The following ARHGEF18 variants were observed in gnomAD, a reference collection of about 807,000 sequenced individuals.
The protein encoded by ARHGEF18 is Rho/Rac guanine nucleotide exchange factor 18, also known as rho guanine nucleotide exchange factor 18.
Under a neutral mutation model 155.7 loss-of-function variants are expected in ARHGEF18, and 93 were observed. The ratio of observed to expected loss-of-function variants is 0.60; its 90% CI spans 0.50 to 0.71. The LOEUF (loss-of-function observed/expected upper bound fraction) is 0.71, where lower values mean the gene tolerates loss of function less well. ARHGEF18 is among the 30% of genes least tolerant of loss of function. ARHGEF18 has a pLI of 0.00. For synonymous variants in ARHGEF18, 742 were observed against 753.1 expected (o/e 0.99, Z 0.24); for missense variants, 1,593 against 1,816.1 (o/e 0.88, Z 2.23).
intron 10 of ARHGEF18, among the ~76,000 whole-genome samples, chr19:7,384,029 T>G (rs1183728559): frequency 2.0e-5 from 3 of 152,072 alleles, no homozygotes; most frequent in South Asian, 2.1e-4. Flanking sequence ...AGCTCCACGT[T>G]GGAGGGAATG....
chr19:7,468,759 C>G, intron 26 of ARHGEF18, 66 bp from the exon 27 acceptor site: 1 of 1,459,102 alleles, frequency 6.9e-7, no homozygotes. Context: ...GCACGACCCT[C>G]GGGGGCTCTC....
At chr19:7,370,452 CA>C (rs1970152381) in intron 2 of ARHGEF18, among the ~76,000 whole-genome samples, 3 of 149,986 alleles carry the variant, frequency 2.0e-5, no homozygotes, top group Admixed American at 2.0e-4. Context: ...GCTGAGATTG[CA>C]CCACTGCACT....
At chr19:7,472,977 C>A, downstream of ARHGEF18, 2 of 456,052 alleles carry the variant, frequency 4.4e-6, no homozygotes, top group South Asian at 1.5e-5. Context: ...GCTGGGATTA[C>A]GGGCACAGGG....
Position 7,462,048 on chromosome 19 carries a change from G to A in ARHGEF18, c.2453-104G>A. 7.2e-7 allele frequency: 1 copy of A among 1,394,704 alleles called. No individual in the cohort carries two copies. 86.4% of individuals were successfully genotyped at this position (1,394,704 alleles called of 1,614,324 possible). On this transcript the variant is annotated intron_variant, in intron 20 of 28. Coordinates refer to ENST00000668164, the MANE Select transcript of ARHGEF18 (RefSeq NM_001367823.1). The surrounding 1 kb of genome is among the most constrained non-coding windows in gnomAD (Gnocchi z 4.4). Reference sequence around the variant, plus strand: ...GACACAAGGGGGCAGCCTACCTCAGGGCAGGGCCAGCGGGGTTCCTCATCC... The same window carrying A: ...GACACAAGGGGGCAGCCTACCTCAGAGCAGGGCCAGCGGGGTTCCTCATCC...
At chr19:7,428,838 C>T (rs1040226955) in intron 10 of ARHGEF18, among the ~76,000 whole-genome samples, 1 of 152,212 alleles carries the variant, frequency 6.6e-6, no homozygotes, top group Non-Finnish European at 1.5e-5. Context: ...GCCACAGGGC[C>T]GTGGTAGCCT....
chr19:7,457,659 G>A (rs1206336681), intron 18 of ARHGEF18, among the ~76,000 whole-genome samples: 1 of 151,766 alleles, frequency 6.6e-6, no homozygotes, highest in South Asian at 2.1e-4. Flanking sequence ...CACCACACCC[G>A]CACATTAATC....
the ARHGEF18 span, chr19:7,478,474 C>T: frequency 1.5e-6 from 2 of 1,301,764 alleles, no homozygotes; most frequent in Non-Finnish European, 2.2e-6. Context: ...ACAGGTGCTG[C>T]ATCTCGGATA....
At chr19:7,374,273 G>A (rs1340187179) in intron 3 of ARHGEF18, among the ~76,000 whole-genome samples, 1 of 152,088 alleles carries the variant, frequency 6.6e-6, no homozygotes, top group African/African-American at 2.4e-5. Context: ...GGGCCATGAG[G>A]GGCGTCTGCA....
At chr19:7,433,041 A>T (rs1974049455) in intron 10 of ARHGEF18, among the ~76,000 whole-genome samples, 1 of 152,024 alleles carries the variant, frequency 6.6e-6, no homozygotes, top group Admixed American at 6.6e-5. Context: ...CACACCTGTA[A>T]TCCTAGCTAC....
rs554723535 is a variant in ARHGEF18 at position 7,440,893 on chromosome 19, A to G, written c.1106+411A>G. 6.6e-6 allele frequency among the ~76,000 whole-genome samples: 1 copy of G among 152,234 alleles called. No homozygotes were observed. The highest frequency in any genetic ancestry group is 2.1e-4 in the South Asian group (1 of 4,826). On this transcript the variant is annotated intron_variant, in intron 11 of 28. Coordinates refer to ENST00000668164, the MANE Select transcript of ARHGEF18 (RefSeq NM_001367823.1). This position sits in a 1 kb window ranked among gnomAD's most constrained non-coding sequence, Gnocchi z 5.4. Reference sequence around the variant, plus strand: ...TGCAGCGGTGTCCGGGTAGAAAGTGATGCTAGAAGCTGATATGTTTGTGGT... The same window carrying G: ...TGCAGCGGTGTCCGGGTAGAAAGTGGTGCTAGAAGCTGATATGTTTGTGGT...
chr19:7,458,398 G>C (rs960067956), intron 18 of ARHGEF18, 114 bp from the exon 19 acceptor site: 9 of 835,472 alleles, frequency 1.1e-5, no homozygotes, highest in Middle Eastern at 3.0e-4. Flanking sequence ...TGTTTGAAAA[G>C]AAATGAGGAG....
Position 7,380,900 on chromosome 19 carries a change from C to A in ARHGEF18, c.645-17C>A. On this transcript the variant is annotated splice_polypyrimidine_tract_variant and intron_variant, in intron 7 of 28. Transcript: ENST00000668164. ...AGAGGCTGCCGACCCAGGTATCTGT[C>A]CCCTCTGATCCTGCAGGGCCCGGCA... The A allele has an allele frequency of 8.1e-7, 1 of 1,231,464 alleles. No individual in the cohort carries two copies. Among genetic ancestry groups the A allele is most frequent in the South Asian group, 4.1e-5 (1 of 24,298 alleles). The allele number at this position is 1,231,464 out of a possible 1,614,324, so 76.3% of individuals were successfully genotyped here.
At chr19:7,361,724 G>A (rs1310483552) in intron 1 of ARHGEF18, among the ~76,000 whole-genome samples, 1 of 152,018 alleles carries the variant, frequency 6.6e-6, no homozygotes. Flanking sequence ...CGGGCACCGT[G>A]GCTCACACCT....
At chr19:7,448,082 G>A (rs889866734) in intron 15 of ARHGEF18, among the ~76,000 whole-genome samples, 1 of 152,228 alleles carries the variant, frequency 6.6e-6, no homozygotes, top group Non-Finnish European at 1.5e-5. Context: ...CTGCAGCTCA[G>A]TATGGGACCT....
chr19:7,435,969 A>G (rs12973462), intron 10 of ARHGEF18, among the ~76,000 whole-genome samples: 61,176 of 151,760 alleles, frequency 0.4, 12,966 homozygotes, highest in East Asian at 0.6. Flanking sequence ...AGGTAGCTGG[A>G]ACTACTGGCA....
At chr19:7,377,208 C>G (rs1445139898) in intron 5 of ARHGEF18, among the ~76,000 whole-genome samples, 1 of 152,000 alleles carries the variant, frequency 6.6e-6, no homozygotes, top group Non-Finnish European at 1.5e-5. Context: ...GTAGCTGGGA[C>G]TACAAGCACC....
At chr19:7,356,556 G>T (rs1969315781) in intron 1 of ARHGEF18, among the ~76,000 whole-genome samples, 1 of 152,096 alleles carries the variant, frequency 6.6e-6, no homozygotes, top group Non-Finnish European at 1.5e-5. Flanking sequence ...TTATAGGTGT[G>T]AGCCAGCGCG....
At chr19:7,435,455 G>T (rs1196801223) in intron 10 of ARHGEF18, among the ~76,000 whole-genome samples, 1 of 152,160 alleles carries the variant, frequency 6.6e-6, no homozygotes, top group Admixed American at 6.6e-5. Flanking sequence ...GGGAAAATAT[G>T]GACAGGAGTC....
At chr19:7,408,198 AAC>A (rs1298283320) in intron 10 of ARHGEF18, among the ~76,000 whole-genome samples, 6 of 152,060 alleles carry the variant, frequency 3.9e-5, no homozygotes, top group African/African-American at 1.2e-4. Flanking sequence ...GAATTGCTTG[AAC>A]TCGGGAGGTT....
Sources: allele counts gnomAD v4.1 joint callset (sites outside exome capture counted in the v4.1 genomes callset), GRCh38; gene constraint gnomAD v4.1.1; non-coding constraint Gnocchi (gnomAD v3.1); transcripts MANE v1.5; gene names NCBI Gene and HGNC (gene_info 2026-07-23, HGNC 2026-07-21).